GNS: variants seen among roughly 807,000 people sequenced by gnomAD.
GNS encodes glucosamine (N-acetyl)-6-sulfatase, also known as N-acetylglucosamine-6-sulfatase.
In GNS, 40 loss-of-function variants were observed where a neutral mutation model predicts 69.7. The ratio of observed to expected loss-of-function variants is 0.57; its 90% CI spans 0.45 to 0.75. The LOEUF is 0.75. GNS is among the 30% of genes least tolerant of loss of function. The probability of loss-of-function intolerance (pLI) is 0.00; values close to 1 mark genes in which losing one functional copy is unlikely to be tolerated. For missense variants in GNS, 565 were observed against 685.5 expected, an observed-to-expected ratio of 0.82 and a Z score of 1.96; for synonymous variants, 243 against 251.6, an observed-to-expected ratio of 0.97 and a Z score of 0.32.
chr12:64,720,977 TG>T (rs1869008415), intron 12 of GNS, among the ~76,000 whole-genome samples: 1 of 152,208 alleles, frequency 6.6e-6, no homozygotes, highest in Non-Finnish European at 1.5e-5. Context: ...GCTTATCAGC[TG>T]CAAATGGAGT....
At chr12:64,716,993 T>C (rs1191601103) in intron 13 of GNS, among the ~76,000 whole-genome samples, 174 bp from the exon 14 acceptor site, 1 of 152,144 alleles carries the variant, frequency 6.6e-6, no homozygotes, top group Non-Finnish European at 1.5e-5. Context: ...AACATTTCTA[T>C]CACCAGTCAG....
chr12:64,747,815 CT>C lies in GNS; in HGVS notation c.355del (p.Ser119ValfsTer33), dbSNP rs749187018. The C allele has an allele frequency of 3.7e-6, 6 of 1,606,284 alleles. No homozygotes were observed. The highest frequency in any genetic ancestry group is 5.1e-6 in the Non-Finnish European group (6 of 1,172,816). On this transcript the variant is annotated frameshift_variant, in exon 3 of 14. Coordinates refer to ENST00000258145, the MANE Select transcript of GNS (RefSeq NM_002076.4). LOFTEE classifies it high-confidence loss of function. ...VVNNTLEGNC[S>X]SKSWQKIQEP... ...TTGGATCTTCTGCCAGGACTTACTA[CT>C]GCAGTTCCCCTCCAGAGTGTTGTTC...
chr12:64,746,108 C>T, intron 3 of GNS: 1 of 283,988 alleles, frequency 3.5e-6, no homozygotes. Flanking sequence ...AGTGCAGTGT[C>T]TGTGGCTGCT....
chr12:64,759,203 G>A lies in GNS; in HGVS notation c.74C>T (p.Ala25Val), dbSNP rs578141159. 1.7e-5 allele frequency: 26 copies of A among 1,548,046 alleles called. No individual in the cohort carries two copies. The highest frequency in any genetic ancestry group is 2.7e-5 in the African/African-American group (2 of 73,118). The stretch of plus-strand genomic sequence containing the variant: ...GCCGCCCAGCACCAGCAGTAGCAGC[G>A]CTGGGCTGCAGGAGGGCAGGTGGCG... ...SPRHLPSCSP[A>V]LLLLVLGGCL... is the part of the protein sequence containing the mutation. Residue 25 changes from alanine to valine, a missense_variant, in exon 1 of 14, where the codon GCG becomes GTG. By Grantham distance (64) the Ala-to-Val change is moderately conservative. Around this residue, in one of 2 missense-constraint regions of GNS, gnomAD observed 181 missense variants for 174.4 expected, o/e 1.04. Coordinates refer to ENST00000258145, the MANE Select transcript of GNS (RefSeq NM_002076.4).
At chr12:64,749,925 G>C (rs1180478234) in intron 2 of GNS, among the ~76,000 whole-genome samples, 1 of 148,918 alleles carries the variant, frequency 6.7e-6, no homozygotes, top group African/African-American at 2.5e-5. Flanking sequence ...ACCGAGGATG[G>C]AGTACAGTGG....
intron 4 of GNS, among the ~76,000 whole-genome samples, chr12:64,745,244 G>C (rs1349149231): frequency 9.3e-6 from 1 of 107,032 alleles, no homozygotes; most frequent in East Asian, 3.0e-4. Flanking sequence ...TAAAGAGACA[G>C]AGTCTCTCTT....
In GNS at chr12:64,736,521, G is replaced by A. The variant is rs533166282; in HGVS notation, c.1098+483C>T. Among the ~76,000 whole-genome samples the A allele has an allele frequency of 7.9e-5, 12 of 152,356 alleles. No homozygotes were observed. In the South Asian group the frequency reaches 2.3e-3, roughly 29 times the overall value. ...AGGGGATTCACACACAGAAAAGCCT[G>A]AGGGGCTCTGCTCTACAAGGCAGTG... On this transcript the variant is annotated intron_variant, in intron 9 of 13. Coordinates refer to ENST00000258145, the MANE Select transcript of GNS (RefSeq NM_002076.4).
Position 64,723,023 on chromosome 12 carries a change from G to C in GNS, c.1291C>G (p.Leu431Val). 2 of 1,601,398 alleles carry C rather than the reference G, an allele frequency of 1.2e-6. No homozygotes were observed. The highest frequency in any genetic ancestry group is 1.7e-6 in the Non-Finnish European group (2 of 1,168,330). The change falls in exon 11 of 14, where the codon CTG becomes GTG. Residue 431 changes from leucine (L) to valine (V), a missense_variant. This residue lies in a region of GNS where 384 missense variants were observed against 511.0 expected (regional missense o/e 0.75). Transcript: ENST00000258145. ...TTACTCACAGATACGCCAGGACTCAGGGAAGGGCATGTTGGGTCAGTGACG... is the reference window on the plus strand; with the variant it reads ...TTACTCACAGATACGCCAGGACTCACGGAAGGGCATGTTGGGTCAGTGACG... ...RNVTDPTCPS[L>V]SPGVSQCFPD...
chr12:64,717,518 A>ATTTTTT (rs57088346), intron 13 of GNS, among the ~76,000 whole-genome samples: 8 of 131,412 alleles, frequency 6.1e-5, no homozygotes, highest in African/African-American at 1.2e-4. Flanking sequence ...CACCTGGCTA[A>ATTTTTT]TTTTTTTTTT....
intron 2 of GNS, among the ~76,000 whole-genome samples, chr12:64,749,276 A>C (rs1592507519): frequency 1.2e-5 from 1 of 81,058 alleles, no homozygotes; most frequent in East Asian, 3.4e-4. Context: ...TTTTTGAGAC[A>C]CATTCTCGCT....
chr12:64,743,141 C>T lies in GNS; in HGVS notation c.792G>A (p.Thr264=). The T allele has an allele frequency of 1.2e-6, 2 of 1,608,256 alleles. No individual in the cohort carries two copies. The highest frequency in any genetic ancestry group is 2.2e-5 in the East Asian group (1 of 44,832). The change falls in exon 6 of 14, where the codon ACG becomes ACA. Residue 264 remains threonine (T), a splice_region_variant and synonymous_variant. Coordinates refer to ENST00000258145, the MANE Select transcript of GNS (RefSeq NM_002076.4). ...GAATACAAGTGGTGGGGGAAGCTAC[C>T]GTTCCATGGATGTTGAAGTTCTTGT... ...PRNKNFNIHG[T]NKHWLIRQAK...
In GNS at chr12:64,720,070, T is replaced by C; in HGVS notation, c.1532A>G (p.Gln511Arg). The C allele has an allele frequency of 1.9e-6, 3 of 1,612,276 alleles. No homozygotes were observed. The highest frequency in any genetic ancestry group is 2.2e-5 in the South Asian group (2 of 91,046). Residue 511 changes from glutamine to arginine, a missense_variant, in exon 13 of 14, where the codon CAG becomes CGG. Gln to Arg is a conservative substitution (Grantham distance 43). Coordinates refer to ENST00000258145, the MANE Select transcript of GNS (RefSeq NM_002076.4). ...GKMNYRLMML[Q>R]SCSGPTCRTP... is the part of the protein sequence containing the mutation. ...GCGACAGGTTGGCCCAGAACAGGAC[T>C]GTAACATCATTAACCGATAGTTCAT... is the stretch of plus-strand genomic sequence containing the variant.
chr12:64,744,982 A>C lies in GNS; in HGVS notation c.526-75T>G, dbSNP rs536504026. The C allele has an allele frequency of 1.0e-4, 79 of 757,752 alleles. 1 individual carries two copies. Among genetic ancestry groups the C allele is most frequent in the Admixed American group, 2.2e-4 (12 of 55,372 alleles). The allele number at this position is 757,752 out of a possible 1,614,324, so 46.9% of individuals were successfully genotyped here. The stretch of plus-strand genomic sequence containing the variant: ...GGAAGTCTGAATCCGTGCTGGGCTA[A>C]ACTCTACTCTGAGCAGTGATAAGAC... On this transcript the variant is annotated intron_variant, in intron 4 of 13. Coordinates refer to ENST00000258145, the MANE Select transcript of GNS (RefSeq NM_002076.4).
chr12:64,739,677 A>G (rs1592502168), intron 7 of GNS, among the ~76,000 whole-genome samples, 178 bp from the exon 8 acceptor site: 1 of 152,094 alleles, frequency 6.6e-6, no homozygotes, highest in East Asian at 1.9e-4. Flanking sequence ...CCCAAAACTC[A>G]AATCCCCAAT....
Position 64,745,204 on chromosome 12 carries a change from CTTTTTTT to C in GNS, c.526-304_526-298del, listed in dbSNP as rs141453545. On this transcript the variant is annotated intron_variant, in intron 4 of 13. Transcript: ENST00000258145. ...AAGGAGTGACTCACAAGTCAATAGA[CTTTTTTT>C]TTTTTTTTTTTTTTTTTTTTTTTAA... Among the ~76,000 whole-genome samples the C allele has an allele frequency of 7.6e-4, 32 of 42,348 alleles. No homozygotes were observed. The East Asian group carries it at 0.015, about 19-fold the overall frequency. The allele number at this position is 42,348 out of a possible 152,430, so 27.8% of individuals were successfully genotyped here. A position where few individuals can be genotyped will look rare whatever the true frequency, so the allele number is the denominator to read the frequency against.
chr12:64,752,919 T>C, intron 1 of GNS, 162 bp from the exon 2 acceptor site: 1 of 637,124 alleles, frequency 1.6e-6, no homozygotes, highest in South Asian at 1.8e-5. Context: ...GAGACAAGTT[T>C]GGTTCCGGCC....
intron 1 of GNS, chr12:64,756,540 T>C (rs1183847120): frequency 1.1e-5 from 6 of 565,264 alleles, no homozygotes; most frequent in African/African-American, 5.8e-5. Context: ...TTGTCCAATA[T>C]TAGCTATATG....
intron 9 of GNS, among the ~76,000 whole-genome samples, chr12:64,735,305 C>T (rs1249326040): frequency 3.9e-5 from 6 of 152,166 alleles, no homozygotes; most frequent in Non-Finnish European, 7.4e-5. Flanking sequence ...TTTTTGGCTA[C>T]GTGATCTTCA....
At chr12:64,756,747 A>G (rs1428928895) in intron 1 of GNS, 3 of 1,498,576 alleles carry the variant, frequency 2.0e-6, no homozygotes, top group Middle Eastern at 1.7e-4. Context: ...TTAGTGGTAG[A>G]ATATTCTGAA....
Sources: gnomAD v4.1 joint callset for allele counts (sites outside exome capture counted in the v4.1 genomes callset) on GRCh38, gnomAD v4.1.1 for gene constraint, gnomAD v4.1.1 regional missense constraint, MANE v1.5 for transcripts, NCBI Gene and HGNC (gene_info 2026-07-23, HGNC 2026-07-21) for gene names.